Variants in ABAT observed in about 807,000 individuals in gnomAD.
The protein encoded by ABAT is 4-aminobutyrate aminotransferase, mitochondrial.
ABAT carries 45 observed loss-of-function variants against 64.6 expected under a neutral mutation model. The ratio of observed to expected loss-of-function variants is 0.70; its 90% confidence interval spans 0.55 to 0.89. ABAT has a LOEUF of 0.89. ABAT is among the 40% of genes least tolerant of loss of function. ABAT has a pLI of 0.00. For missense variants in ABAT, 633 were observed against 658.4 expected (o/e 0.96, Z 0.42); for synonymous variants, 297 against 250.5 (o/e 1.19, Z -1.75).
intron 1 of ABAT, among the ~76,000 whole-genome samples, chr16:8,683,005 T>G (rs1165949971): frequency 1.3e-5 from 2 of 152,228 alleles, no homozygotes. Context: ...ATAAGTTACA[T>G]TGACAGCATC....
intron 1 of ABAT, among the ~76,000 whole-genome samples, chr16:8,685,843 G>A (rs1242040169): frequency 6.6e-6 from 1 of 152,178 alleles, no homozygotes; most frequent in East Asian, 1.9e-4. Context: ...ATTTGGACTT[G>A]ACTCAGAGAC....
intron 1 of ABAT, among the ~76,000 whole-genome samples, chr16:8,730,382 C>T (rs151142266): frequency 2.6e-5 from 4 of 152,272 alleles, no homozygotes; most frequent in Non-Finnish European, 5.9e-5. Flanking sequence ...GCAGCCACAG[C>T]GTGCTGGAAC....
intron 2 of ABAT, among the ~76,000 whole-genome samples, chr16:8,742,671 C>G (rs1394202268): frequency 6.6e-6 from 1 of 151,832 alleles, no homozygotes; most frequent in Non-Finnish European, 1.5e-5. Context: ...TCCAGACCAT[C>G]CTGGGAAACA....
chr16:8,729,989 G>A (rs1567290159), intron 1 of ABAT, among the ~76,000 whole-genome samples: 1 of 152,122 alleles, frequency 6.6e-6, no homozygotes, highest in South Asian at 2.1e-4. Context: ...GGGGAGGAAG[G>A]AAGTGCAGAG....
chr16:8,718,911 AC>A (rs1167159054), intron 1 of ABAT, among the ~76,000 whole-genome samples: 2 of 152,256 alleles, frequency 1.3e-5, no homozygotes, highest in Admixed American at 6.5e-5. Flanking sequence ...GACTCCAGCC[AC>A]CAACAAAGTG....
chr16:8,741,145 G>A (rs1040287590), intron 2 of ABAT, among the ~76,000 whole-genome samples: 1 of 152,228 alleles, frequency 6.6e-6, no homozygotes. Context: ...TTCACATATT[G>A]TGTCTGGTCT....
chr16:8,720,205 T>C (rs1248123667), intron 1 of ABAT, among the ~76,000 whole-genome samples: 1 of 152,244 alleles, frequency 6.6e-6, no homozygotes, highest in Non-Finnish European at 1.5e-5. Flanking sequence ...CAATTGACCC[T>C]AAGCCAGTTG....
At chr16:8,719,851 C>T (rs748823749) in intron 1 of ABAT, among the ~76,000 whole-genome samples, 1 of 152,188 alleles carries the variant, frequency 6.6e-6, no homozygotes, top group Non-Finnish European at 1.5e-5. Context: ...TCACTCTTGT[C>T]GCCAGGTTGG....
chr16:8,767,259 A>G (rs2059971439), intron 9 of ABAT, among the ~76,000 whole-genome samples: 1 of 152,224 alleles, frequency 6.6e-6, no homozygotes, highest in African/African-American at 2.4e-5. Flanking sequence ...CAGGGCGTCC[A>G]TGCACCCCTC....
chr16:8,743,423 T>TTATATATATATATATATATATATATATA (rs1182574273), intron 2 of ABAT, among the ~76,000 whole-genome samples: 63 of 45,212 alleles, frequency 1.4e-3, no homozygotes, highest in South Asian at 2.1e-3. Context: ...ATGGAAACAG[T>TTATATATATATATATATATATATATATA]TATATATATA....
chr16:8,686,700 G>A (rs1335536180), intron 1 of ABAT, among the ~76,000 whole-genome samples: 2 of 152,142 alleles, frequency 1.3e-5, no homozygotes, highest in African/African-American at 4.8e-5. Flanking sequence ...CTGGAGCCCT[G>A]GTGTCTAGGA....
intron 1 of ABAT, among the ~76,000 whole-genome samples, chr16:8,726,452 T>A (rs28587720): frequency 0.11 from 17,371 of 151,794 alleles, 1,573 homozygotes; most frequent in African/African-American, 0.25. Context: ...AGAGATGGGG[T>A]TTAGCCATGT....
intron 1 of ABAT, among the ~76,000 whole-genome samples, chr16:8,694,901 C>A (rs1273369): frequency 4.6e-5 from 7 of 152,256 alleles, no homozygotes; most frequent in Admixed American, 3.3e-4. Flanking sequence ...ACCTGAGTTC[C>A]GGTTTGGGAC....
chr16:8,756,278 A>C (rs1231095448), intron 5 of ABAT, among the ~76,000 whole-genome samples: 2 of 152,214 alleles, frequency 1.3e-5, no homozygotes, highest in African/African-American at 4.8e-5. Context: ...CCAACATGCG[A>C]TAGAATGGTT....
chr16:8,720,091 G>A (rs1462276962), intron 1 of ABAT, among the ~76,000 whole-genome samples: 1 of 152,186 alleles, frequency 6.6e-6, no homozygotes, highest in Non-Finnish European at 1.5e-5. Flanking sequence ...AGGATTACAG[G>A]CGTGAGCCAT....
At chr16:8,678,128 G>A (rs2057247501) in intron 1 of ABAT, among the ~76,000 whole-genome samples, 1 of 152,200 alleles carries the variant, frequency 6.6e-6, no homozygotes, top group South Asian at 2.1e-4. Flanking sequence ...TGGTTTCTGT[G>A]TAATGAGGAG....
chr16:8,715,689 A>G (rs2058197885), intron 1 of ABAT: 1 of 151,136 alleles, frequency 6.6e-6, no homozygotes, highest in African/African-American at 2.4e-5. Context: ...AAGTGGGAAT[A>G]TCTGAATATA....
chr16:8,677,252 A>T (rs1297039573), intron 1 of ABAT, among the ~76,000 whole-genome samples: 2 of 152,252 alleles, frequency 1.3e-5, no homozygotes, highest in Non-Finnish European at 2.9e-5. Flanking sequence ...ACCTCTAATC[A>T]TGAAGTGGGG....
intron 6 of ABAT, among the ~76,000 whole-genome samples, chr16:8,759,105 AAAT>A (rs199956919): frequency 8.6e-5 from 13 of 151,770 alleles, no homozygotes; most frequent in East Asian, 7.7e-4. Context: ...TTATCCCAAA[AAAT>A]AATAATAATA....
Sources: gnomAD v4.1 joint callset for allele counts (sites outside exome capture counted in the v4.1 genomes callset) on GRCh38, gnomAD v4.1.1 for gene constraint, MANE v1.5 for transcripts, NCBI Gene and HGNC (gene_info 2026-07-23, HGNC 2026-07-21) for gene names.